Variants in FERRY3 observed in about 807,000 individuals in gnomAD.
The protein encoded by FERRY3 is protein C12orf4.
the FERRY3 span, among the ~76,000 whole-genome samples, chr12:4,515,160 AT>A: frequency 1.3e-5 from 2 of 152,190 alleles, no homozygotes; most frequent in Non-Finnish European, 1.5e-5. Flanking sequence ...TGAGCCAGAA[AT>A]TTTTCTTTTA....
chr12:4,520,310 C>T, the FERRY3 span, among the ~76,000 whole-genome samples: 6 of 152,190 alleles, frequency 3.9e-5, no homozygotes, highest in African/African-American at 9.7e-5. Context: ...TCAAGATACA[C>T]GAGGCTTGAC....
chr12:4,534,106 C>A, the FERRY3 span: 1 of 1,505,168 alleles, frequency 6.6e-7, no homozygotes, highest in Non-Finnish European at 8.9e-7. Context: ...TAAAAATTTT[C>A]ACCAAAATCC....
chr12:4,501,485 G>A, the FERRY3 span, among the ~76,000 whole-genome samples: 1 of 152,238 alleles, frequency 6.6e-6, no homozygotes, highest in Non-Finnish European at 1.5e-5. Flanking sequence ...ATTTACAGCC[G>A]CTCCTCACTG....
the FERRY3 span, among the ~76,000 whole-genome samples, chr12:4,494,810 G>A: frequency 6.6e-6 from 1 of 152,246 alleles, no homozygotes; most frequent in Admixed American, 6.5e-5. Context: ...TTCAGGTCCT[G>A]TGCATTTCCA....
the FERRY3 span, chr12:4,525,033 A>T: frequency 2.1e-6 from 1 of 472,188 alleles, no homozygotes; most frequent in South Asian, 3.9e-5. Context: ...TCTAGAACAT[A>T]AAACTAAAGT....
the FERRY3 span, chr12:4,487,749 T>A: frequency 6.6e-6 from 1 of 152,164 alleles, no homozygotes; most frequent in African/African-American, 2.4e-5. Context: ...ATTTTTAAAA[T>A]TTTTATTGTA....
chr12:4,516,571 G>C, the FERRY3 span, among the ~76,000 whole-genome samples: 4 of 152,174 alleles, frequency 2.6e-5, no homozygotes, highest in African/African-American at 9.7e-5. Context: ...GGACATGGAT[G>C]GAGCTGGAAA....
the FERRY3 span, chr12:4,534,383 T>C: frequency 1.4e-6 from 2 of 1,415,190 alleles, no homozygotes; most frequent in African/African-American, 1.5e-5. Context: ...AGAATTCCAA[T>C]GTGAAATCTT....
At chr12:4,508,801 ATGTT>A in the FERRY3 span, 1 of 152,182 alleles carries the variant, frequency 6.6e-6, no homozygotes, top group Non-Finnish European at 1.5e-5. Context: ...AGACAAGAGG[ATGTT>A]TGTGATTTTA....
chr12:4,510,890 T>C, the FERRY3 span, among the ~76,000 whole-genome samples: 1 of 151,914 alleles, frequency 6.6e-6, no homozygotes, highest in African/African-American at 2.4e-5. Flanking sequence ...AATTCACACA[T>C]AACAATATTA....
chr12:4,530,510 C>A, the FERRY3 span, among the ~76,000 whole-genome samples: 1 of 152,044 alleles, frequency 6.6e-6, no homozygotes. Context: ...GAAAACTTTT[C>A]ATTATTAAAA....
the FERRY3 span, among the ~76,000 whole-genome samples, chr12:4,523,088 T>C: frequency 9.9e-5 from 15 of 152,222 alleles, no homozygotes; most frequent in African/African-American, 3.4e-4. Flanking sequence ...CTTTATGTAA[T>C]TTATTCCTCA....
chr12:4,527,660 C>T, the FERRY3 span, among the ~76,000 whole-genome samples: 26 of 152,236 alleles, frequency 1.7e-4, no homozygotes, highest in African/African-American at 5.5e-4. Context: ...TTTCAACTTA[C>T]CTTAAGTCAT....
the FERRY3 span, chr12:4,534,148 T>A: frequency 2.6e-6 from 4 of 1,550,606 alleles, no homozygotes; most frequent in African/African-American, 5.6e-5. Context: ...ATCTGACCTA[T>A]TTTCTTACCT....
At chr12:4,510,817 C>A in the FERRY3 span, among the ~76,000 whole-genome samples, 1 of 149,146 alleles carries the variant, frequency 6.7e-6, no homozygotes, top group Non-Finnish European at 1.5e-5. Context: ...ACCATCAAGA[C>A]TAGGAAGAAA....
At chr12:4,494,015 C>A in the FERRY3 span, among the ~76,000 whole-genome samples, 43 of 152,226 alleles carry the variant, frequency 2.8e-4, no homozygotes, top group Admixed American at 1.6e-3. Flanking sequence ...ATTGCTTGAA[C>A]CTGCAAGACG....
the FERRY3 span, chr12:4,517,107 T>C: frequency 6.3e-7 from 1 of 1,597,136 alleles, no homozygotes; most frequent in South Asian, 1.2e-5. Context: ...TAGCATAAAG[T>C]ACCACCTGTT....
chr12:4,494,185 C>T, the FERRY3 span, among the ~76,000 whole-genome samples: 3 of 151,898 alleles, frequency 2.0e-5, no homozygotes, highest in African/African-American at 7.3e-5. Context: ...TTACATGGAA[C>T]TTTACAATAT....
the FERRY3 span, chr12:4,530,092 A>G: frequency 6.4e-7 from 1 of 1,553,262 alleles, no homozygotes; most frequent in African/African-American, 1.4e-5. Context: ...ATGATCTAGT[A>G]TTTTTATTTA....
Sources: gnomAD v4.1 joint callset for allele counts (sites outside exome capture counted in the v4.1 genomes callset) on GRCh38, gnomAD v4.1.1 for gene constraint, MANE v1.5 for transcripts, NCBI Gene and HGNC (gene_info 2026-07-23, HGNC 2026-07-21) for gene names.